The following NAV2 variants were observed in gnomAD, a reference collection of about 807,000 sequenced individuals.
NAV2 encodes the protein helicase, APC down-regulated 1.
A neutral mutation model predicts 223.2 loss-of-function variants in NAV2; 54 were observed. The ratio of observed to expected loss-of-function variants is 0.24; its 90% CI spans 0.19 to 0.30. The LOEUF is 0.30. Among genes scored for constraint, NAV2 ranks in the 10% least tolerant of loss-of-function variants. The pLI is 1.00. For synonymous variants in NAV2, 1,279 were observed against 1,239.3 expected, an observed-to-expected ratio of 1.03 and a Z score of -0.67; for missense variants, 2,806 against 3,147.5, an observed-to-expected ratio of 0.89 and a Z score of 2.60.
chr11:19,853,143 T>C lies in NAV2; in HGVS notation c.438+10220T>C, dbSNP rs1028671358. ...TGCTGGACCCCATCCCCAGAGTTTC[T>C]GATTTGGTATGCCTAGGGAGGAGCT... On this transcript the variant is annotated intron_variant, in intron 3 of 37. Coordinates refer to ENST00000349880, the MANE Select transcript of NAV2 (RefSeq NM_145117.5). Among the ~76,000 whole-genome samples, 3 of 152,188 alleles carry C rather than the reference T, an allele frequency of 2.0e-5. No homozygotes were observed. The South Asian group carries it at 6.2e-4, about 32-fold the overall frequency.
chr11:19,590,196 G>T (rs1027016632), intron 1 of NAV2, among the ~76,000 whole-genome samples: 3 of 152,184 alleles, frequency 2.0e-5, no homozygotes, highest in Non-Finnish European at 2.9e-5. Context: ...TGCATGTAAA[G>T]CATTTATAAC....
At chr11:19,438,650 T>C (rs1851293896) in intron 1 of NAV2, among the ~76,000 whole-genome samples, 1 of 152,162 alleles carries the variant, frequency 6.6e-6, no homozygotes. Flanking sequence ...CTTCCTTGGG[T>C]TTGATAATTT....
intron 6 of NAV2, among the ~76,000 whole-genome samples, chr11:19,907,767 G>A (rs1354770316): frequency 1.3e-5 from 2 of 152,132 alleles, no homozygotes; most frequent in Non-Finnish European, 2.9e-5. Flanking sequence ...GATAGGTGAA[G>A]GATCAAAGGT....
At chr11:19,685,519 G>A (rs1164000122) in intron 1 of NAV2, among the ~76,000 whole-genome samples, 3 of 152,172 alleles carry the variant, frequency 2.0e-5, no homozygotes, top group East Asian at 3.9e-4. Flanking sequence ...AGGAGGAAGG[G>A]TAACAGATCC....
chr11:19,639,292 G>T (rs1383557047), intron 1 of NAV2, among the ~76,000 whole-genome samples: 3 of 152,204 alleles, frequency 2.0e-5, no homozygotes, highest in Non-Finnish European at 4.4e-5. Flanking sequence ...TTTGAGGAGG[G>T]TTTGGTAACC....
Position 19,933,953 on chromosome 11 carries a change from A to C in NAV2, c.1709A>C (p.Lys570Thr), listed in dbSNP as rs1273207313. 1.3e-6 allele frequency: 2 copies of C among 1,597,460 alleles called. No homozygotes were observed. Among genetic ancestry groups the C allele is most frequent in the Non-Finnish European group, 1.7e-6 (2 of 1,173,670 alleles). The change falls in exon 7 of 38, where the codon AAA becomes ACA. Residue 570 changes from lysine to threonine, a missense_variant. Around this residue, in one of 4 missense-constraint regions of NAV2, gnomAD observed 1,167 missense variants for 1,180.5 expected, o/e 0.99. Coordinates refer to ENST00000349880, the MANE Select transcript of NAV2 (RefSeq NM_145117.5). The surrounding 1 kb of genome is among the most constrained non-coding windows in gnomAD (Gnocchi z 4.3). ...SHSGIPKPGMKSMPGKSPSAP... is the reference protein window; with the variant it reads ...SHSGIPKPGMTSMPGKSPSAP... ...AGTGGAATACCAAAACCAGGAATGA[A>C]AAGCATGCCCGGGAAATCCCCAAGT...
chr11:19,924,889 G>A (rs1256127611), intron 6 of NAV2, among the ~76,000 whole-genome samples: 1 of 152,136 alleles, frequency 6.6e-6, no homozygotes, highest in East Asian at 1.9e-4. Flanking sequence ...TAAGACTTCA[G>A]GCATTCTTGG....
intron 1 of NAV2, among the ~76,000 whole-genome samples, chr11:19,395,212 G>A (rs1251447766): frequency 6.6e-6 from 1 of 152,252 alleles, no homozygotes. Flanking sequence ...GGCGCATGCT[G>A]TGCGTGTTAG....
chr11:19,491,955 AAGAGAGAGAGAG>A (rs150403869), intron 1 of NAV2, among the ~76,000 whole-genome samples: 1 of 120,856 alleles, frequency 8.3e-6, no homozygotes, highest in African/African-American at 3.1e-5. Context: ...GGGAGACTCA[AAGAGAGAGAGAG>A]AGAGAGAGAG....
At chr11:20,077,901 C>A in intron 23 of NAV2, 92 bp from the exon 24 acceptor site, 2 of 985,346 alleles carry the variant, frequency 2.0e-6, no homozygotes, top group Non-Finnish European at 1.6e-6. Flanking sequence ...CTACTTCATT[C>A]CCGCTCCTCC....
intron 22 of NAV2, among the ~76,000 whole-genome samples, chr11:20,074,761 T>C (rs80052194): frequency 0.014 from 332 of 24,266 alleles, 1 homozygote; most frequent in African/African-American, 0.04. Context: ...GCAACTCTGC[T>C]TTTTTTTTTT....
At chr11:19,410,193 C>G (rs911345992) in intron 1 of NAV2, among the ~76,000 whole-genome samples, 9 of 152,180 alleles carry the variant, frequency 5.9e-5, no homozygotes, top group Non-Finnish European at 7.3e-5. Context: ...GCAGAGGCAG[C>G]CTTAACTGCG....
chr11:20,109,340 C>T (rs2062437455), intron 36 of NAV2, among the ~76,000 whole-genome samples: 1 of 152,200 alleles, frequency 6.6e-6, no homozygotes, highest in Admixed American at 6.5e-5. Context: ...AGCCTAAAAT[C>T]ATTGGTTAGC....
chr11:20,077,483 G>A, intron 22 of NAV2, 69 bp from the exon 23 acceptor site: 6 of 1,241,364 alleles, frequency 4.8e-6, no homozygotes, highest in Non-Finnish European at 5.9e-6. Context: ...TCATCTTTAA[G>A]AGCCAGACAC....
At chr11:19,685,163 C>T (rs950066303) in intron 1 of NAV2, among the ~76,000 whole-genome samples, 2 of 152,186 alleles carry the variant, frequency 1.3e-5, no homozygotes, top group Admixed American at 1.3e-4. Context: ...CCTCAGAAGG[C>T]CCCACAGACT....
At chr11:19,796,607 G>A (rs918469967) in intron 1 of NAV2, among the ~76,000 whole-genome samples, 2 of 152,158 alleles carry the variant, frequency 1.3e-5, no homozygotes, top group African/African-American at 2.4e-5. Context: ...ACACAGGTCA[G>A]GCTGACCCTG....
chr11:19,580,757 T>C (rs991524813), intron 1 of NAV2, among the ~76,000 whole-genome samples: 3 of 152,218 alleles, frequency 2.0e-5, no homozygotes, highest in African/African-American at 7.2e-5. Context: ...TCTTGAACAT[T>C]GTCTTCATGG....
chr11:19,973,395 C>T (rs75331781), intron 10 of NAV2, among the ~76,000 whole-genome samples: 2 of 152,184 alleles, frequency 1.3e-5, no homozygotes, highest in Non-Finnish European at 2.9e-5. Context: ...TAGCAGAAAT[C>T]GCAGGAATGA....
At chr11:19,760,218 G>A (rs1473710197) in intron 1 of NAV2, 1 of 152,186 alleles carries the variant, frequency 6.6e-6, no homozygotes, top group Non-Finnish European at 1.5e-5. Flanking sequence ...GCTCCTCTGA[G>A]AGGCAGGCTG....
Sources: gnomAD v4.1 joint callset for allele counts (sites outside exome capture counted in the v4.1 genomes callset) on GRCh38, gnomAD v4.1.1 for gene constraint, gnomAD v4.1.1 regional missense constraint, Gnocchi (gnomAD v3.1) non-coding constraint, MANE v1.5 for transcripts, NCBI Gene and HGNC (gene_info 2026-07-23, HGNC 2026-07-21) for gene names.